The following WDR25 variants were observed in gnomAD, a reference collection of about 807,000 sequenced individuals.
WDR25 encodes the protein WD repeat-containing protein 25.
WDR25 carries 35 observed loss-of-function variants against 47.7 expected under a neutral mutation model. That is an observed-to-expected ratio of 0.73 (90% CI 0.56 to 0.97). The LOEUF is 0.97. Ranked by LOEUF, WDR25 falls within the 50% of genes least tolerant of loss-of-function variation. WDR25 has a pLI of 0.00. For synonymous variants in WDR25, 248 were observed against 278.9 expected (o/e 0.89, Z 1.10); for missense variants, 634 against 704.7 (o/e 0.90, Z 1.14).
At chr14:100,495,396 T>G (rs1215232781) in intron 4 of WDR25, among the ~76,000 whole-genome samples, 2 of 152,110 alleles carry the variant, frequency 1.3e-5, no homozygotes, top group African/African-American at 4.8e-5. Context: ...AAACCCAAAG[T>G]AGTTCTTTTT....
chr14:100,530,055 G>A lies in WDR25; in HGVS notation c.*14G>A. 6.2e-7 allele frequency: 1 copy of A among 1,600,364 alleles called. No individual in the cohort carries two copies. The highest frequency in any genetic ancestry group is 8.5e-7 in the Non-Finnish European group (1 of 1,171,470). On this transcript the variant is annotated 3_prime_UTR_variant, in exon 7 of 7. Coordinates refer to ENST00000402312, the MANE Select transcript of WDR25 (RefSeq NM_001161476.3). Reference sequence around the variant, plus strand: ...ATCTGGCACTGAGCTTTTTGTCACTGAACCTTCCCGATGCCAGCTGGGCTC... The same window carrying A: ...ATCTGGCACTGAGCTTTTTGTCACTAAACCTTCCCGATGCCAGCTGGGCTC...
At chr14:100,522,538 G>C (rs952607739) in intron 4 of WDR25, among the ~76,000 whole-genome samples, 1 of 152,104 alleles carries the variant, frequency 6.6e-6, no homozygotes, top group African/African-American at 2.4e-5. Context: ...ATTTATTATT[G>C]AGAGTTGCCC....
chr14:100,460,113 T>A (rs778461129), intron 2 of WDR25, among the ~76,000 whole-genome samples: 1,241 of 70,322 alleles, frequency 0.018, 14 homozygotes, highest in South Asian at 0.044. Flanking sequence ...AGATACAAAA[T>A]TTTTTTTTTT....
Position 100,468,645 on chromosome 14 carries a change from G to A in WDR25, c.970+477G>A, listed in dbSNP as rs1415452866. Among the ~76,000 whole-genome samples the A allele has an allele frequency of 1.3e-5, 2 of 152,092 alleles. No homozygotes were observed. The highest frequency in any genetic ancestry group is 2.4e-5 in the African/African-American group (1 of 41,406). The stretch of plus-strand genomic sequence containing the variant: ...AAAGGCACTTGGGTAGGATGGATTC[G>A]TGCCGGGTAAATCCTGAGAGGGCTC... On this transcript the variant is annotated intron_variant, in intron 3 of 6. Transcript: ENST00000402312. This position sits in a 1 kb window ranked among gnomAD's most constrained non-coding sequence, Gnocchi z 4.5.
At chr14:100,517,054 C>T (rs1241137179) in intron 4 of WDR25, among the ~76,000 whole-genome samples, 1 of 150,388 alleles carries the variant, frequency 6.6e-6, no homozygotes, top group Non-Finnish European at 1.5e-5. Flanking sequence ...CTTCAGCTTC[C>T]CAAGTAGCCA....
rs61706956 is a variant in WDR25, at chr14:100,459,894, GTATATATATATATATA to G, written c.823-8096_823-8081del. Among the ~76,000 whole-genome samples, 554 of 78,238 alleles carry G rather than the reference GTATATATATATATATA, an allele frequency of 7.1e-3. 14 individuals are homozygous for G. The highest frequency in any genetic ancestry group is 0.015 in the East Asian group (50 of 3,364). 51.3% of individuals were successfully genotyped at this position (78,238 alleles called of 152,430 possible). The stretch of plus-strand genomic sequence containing the variant: ...TATATATCCGTATATGTGTGTGTGT[GTATATATATATATATA>G]TATATATATATATATATATATATAT... On this transcript the variant is annotated intron_variant, in intron 2 of 6. Transcript: ENST00000402312.
Position 100,523,304 on chromosome 14 carries a change from T to C in WDR25, c.1102-2566T>C, listed in dbSNP as rs1355643238. ...GCCAGGAGCTCACAGTCCTGTGGCG[T>C]AGGCAGGTGGCTGATGTGGGCAGCT... is the stretch of plus-strand genomic sequence containing the variant. On this transcript the variant is annotated intron_variant, in intron 4 of 6. Coordinates refer to ENST00000402312, the MANE Select transcript of WDR25 (RefSeq NM_001161476.3). The surrounding 1 kb of genome is among the most constrained non-coding windows in gnomAD (Gnocchi z 4.7). 2.0e-5 allele frequency among the ~76,000 whole-genome samples: 3 copies of C among 152,158 alleles called. No individual in the cohort carries two copies. Among genetic ancestry groups the C allele is most frequent in the Non-Finnish European group, 4.4e-5 (3 of 68,020 alleles).
chr14:100,477,826 T>G (rs1900067686), intron 3 of WDR25, among the ~76,000 whole-genome samples: 1 of 152,198 alleles, frequency 6.6e-6, no homozygotes, highest in Admixed American at 6.5e-5. Context: ...GCGCCGTGGC[T>G]CACGCCTGAA....
intron 2 of WDR25, among the ~76,000 whole-genome samples, chr14:100,462,662 T>G (rs890712263): frequency 6.6e-6 from 1 of 152,160 alleles, no homozygotes; most frequent in African/African-American, 2.4e-5. Context: ...ATTTGGGAGT[T>G]CCCCTGGACA....
chr14:100,407,381 C>T lies in WDR25; in HGVS notation c.822+25635C>T, dbSNP rs1897571396. On this transcript the variant is annotated intron_variant, in intron 2 of 6. Transcript: ENST00000402312. This position sits in a 1 kb window ranked among gnomAD's most constrained non-coding sequence, Gnocchi z 4.1. ...GAAAGCTTTTAATTCAAAGCCCTAT[C>T]CATCTTCCCAACTCAGGTGAGATGG... The T allele has an allele frequency of 6.6e-6, 1 of 152,188 alleles. No individual in the cohort carries two copies. The highest frequency in any genetic ancestry group is 2.1e-4 in the South Asian group (1 of 4,826). 9.4% of individuals were successfully genotyped at this position (152,188 alleles called of 1,614,324 possible).
intron 4 of WDR25, among the ~76,000 whole-genome samples, chr14:100,507,110 T>C (rs767289508): frequency 2.2e-4 from 33 of 151,936 alleles, no homozygotes; most frequent in Non-Finnish European, 4.1e-4. Context: ...GCCAGTTTCA[T>C]TTTTTTGTAT....
chr14:100,459,868 A>G (rs1595109919), intron 2 of WDR25, among the ~76,000 whole-genome samples: 1 of 142,158 alleles, frequency 7.0e-6, no homozygotes, highest in East Asian at 2.0e-4. Context: ...ATGGATATAT[A>G]TATATATCCG....
At chr14:100,394,602 C>T (rs1448405511) in intron 2 of WDR25, among the ~76,000 whole-genome samples, 1 of 152,156 alleles carries the variant, frequency 6.6e-6, no homozygotes, top group Non-Finnish European at 1.5e-5. Flanking sequence ...GTGAATGAGG[C>T]ACAGACATCA....
chr14:100,529,874 A>T lies in WDR25; in HGVS notation c.1468A>T (p.Thr490Ser). The T allele has an allele frequency of 6.2e-7, 1 of 1,613,210 alleles. No individual in the cohort carries two copies. The highest frequency in any genetic ancestry group is 8.5e-7 in the Non-Finnish European group (1 of 1,180,012). ...ECSPGGDLLVTGSADGRVLMY... is the reference protein window; with the variant it reads ...ECSPGGDLLVSGSADGRVLMY... ...CTCCCCAGGCGGTGACTTGCTGGTG[A>T]CGGGCAGCGCCGATGGCCGGGTCCT... Residue 490 changes from threonine (T) to serine (S), a missense_variant, in exon 7 of 7, where the codon ACG (threonine) becomes TCG (serine). Physicochemically the swap from Thr to Ser is moderately conservative, Grantham distance 58 (BLOSUM62 1). Coordinates refer to ENST00000402312, the MANE Select transcript of WDR25 (RefSeq NM_001161476.3). The surrounding 1 kb of genome is among the most constrained non-coding windows in gnomAD (Gnocchi z 5.1).
At chr14:100,476,732 G>A (rs1210373487) in intron 3 of WDR25, among the ~76,000 whole-genome samples, 1 of 152,176 alleles carries the variant, frequency 6.6e-6, no homozygotes, top group East Asian at 1.9e-4. Context: ...ACCACCCAGG[G>A]TGCCGTGTGA....
In WDR25 at chr14:100,500,124, C is replaced by T. The variant is rs1009079343; in HGVS notation, c.1101+16000C>T. On this transcript the variant is annotated intron_variant, in intron 4 of 6. Coordinates refer to ENST00000402312, the MANE Select transcript of WDR25 (RefSeq NM_001161476.3). This position sits in a 1 kb window ranked among gnomAD's most constrained non-coding sequence, Gnocchi z 4.7. ...TCCCCTACTTCTCTCTTACCTGCTG[C>T]ATCCTCTCTGTGCACCAAGGAGGAG... Among the ~76,000 whole-genome samples the T allele has an allele frequency of 2.6e-5, 4 of 152,138 alleles. No homozygotes were observed. Among genetic ancestry groups the T allele is most frequent in the Non-Finnish European group, 5.9e-5 (4 of 67,998 alleles).
rs1595148896 is a variant in WDR25, at chr14:100,498,275, A to G, written c.1101+14151A>G. Among the ~76,000 whole-genome samples the G allele has an allele frequency of 1.3e-5, 2 of 152,108 alleles. No homozygotes were observed. Among genetic ancestry groups the G allele is most frequent in the East Asian group, 3.9e-4 (2 of 5,150 alleles). ...TCTGGCGCGGAGGCTGCGGAGGGAG[A>G]TGGATGTGCTGAGAGGAGACTGAGG... On this transcript the variant is annotated intron_variant, in intron 4 of 6. Coordinates refer to ENST00000402312, the MANE Select transcript of WDR25 (RefSeq NM_001161476.3). The surrounding 1 kb of genome is among the most constrained non-coding windows in gnomAD (Gnocchi z 4.2).
chr14:100,378,252 C>T (rs965332402), intron 1 of WDR25, among the ~76,000 whole-genome samples: 1 of 152,020 alleles, frequency 6.6e-6, no homozygotes, highest in Non-Finnish European at 1.5e-5. Context: ...TCACTGCAAC[C>T]TCTGCCTCCT....
rs148470180 is a variant in WDR25 at position 100,529,915 on chromosome 14, C to G, written c.1509C>G (p.Arg503=). 1.2e-5 allele frequency: 19 copies of G among 1,613,356 alleles called. No homozygotes were observed. The African/African-American group carries it at 2.5e-4, about 22-fold the overall frequency. The change falls in exon 7 of 7, where the codon CGC becomes CGG. Residue 503 remains arginine, a synonymous_variant. Transcript: ENST00000402312. This position sits in a 1 kb window ranked among gnomAD's most constrained non-coding sequence, Gnocchi z 5.1. The part of the protein sequence containing the change: ...ADGRVLMYSF[R]TASRACTLQG... Reference sequence around the variant, plus strand: ...GCCGGGTCCTGATGTACAGCTTCCGCACAGCCAGCCGAGCATGCACACTGC... The same window carrying G: ...GCCGGGTCCTGATGTACAGCTTCCGGACAGCCAGCCGAGCATGCACACTGC...
Sources: gnomAD v4.1 joint callset for allele counts (sites outside exome capture counted in the v4.1 genomes callset) on GRCh38, gnomAD v4.1.1 for gene constraint, Gnocchi (gnomAD v3.1) non-coding constraint, MANE v1.5 for transcripts, NCBI Gene and HGNC (gene_info 2026-07-23, HGNC 2026-07-21) for gene names.